ANO6: variants seen among roughly 807,000 people sequenced by gnomAD.
The protein encoded by ANO6 is anoctamin 6, also known as anoctamin-6.
Under a neutral mutation model 117.5 loss-of-function variants are expected in ANO6, and 106 were observed. That is an observed-to-expected ratio of 0.90 (90% CI 0.77 to 1.06). The LOEUF (loss-of-function observed/expected upper bound fraction) is 1.06, where lower values mean the gene tolerates loss of function less well. ANO6 is among the 50% of genes least tolerant of loss of function. The pLI is 0.00. For synonymous variants in ANO6, 367 were observed against 385.1 expected (o/e 0.95, Z 0.55); for missense variants, 955 against 1,121.1 (o/e 0.85, Z 2.12).
chr12:45,343,089 G>A (rs974218116), intron 3 of ANO6, among the ~76,000 whole-genome samples: 1 of 152,164 alleles, frequency 6.6e-6, no homozygotes, highest in South Asian at 2.1e-4. Context: ...GTTAGGTAAT[G>A]AGCGTAAGGA....
intron 19 of ANO6, among the ~76,000 whole-genome samples, chr12:45,439,123 C>T (rs935580147): frequency 1.3e-5 from 2 of 152,164 alleles, no homozygotes; most frequent in Non-Finnish European, 2.9e-5. Flanking sequence ...TGATGGTGAG[C>T]TGTGAGGACT....
intron 1 of ANO6, among the ~76,000 whole-genome samples, chr12:45,243,271 A>T (rs1477187313): frequency 6.6e-6 from 1 of 152,166 alleles, no homozygotes; most frequent in Non-Finnish European, 1.5e-5. Flanking sequence ...GTGAGCCATG[A>T]TTGTGCCACT....
chr12:45,253,459 TATGGAA>T (rs1170477119), intron 1 of ANO6, among the ~76,000 whole-genome samples: 2 of 152,224 alleles, frequency 1.3e-5, no homozygotes, highest in African/African-American at 4.8e-5. Context: ...ATTCAGGGTC[TATGGAA>T]GAAGTACAGG....
chr12:45,394,061 A>G (rs1266433059), intron 12 of ANO6, among the ~76,000 whole-genome samples: 1 of 152,204 alleles, frequency 6.6e-6, no homozygotes, highest in African/African-American at 2.4e-5. Context: ...AGATTGGATA[A>G]AGAGTCAAGA....
intron 1 of ANO6, among the ~76,000 whole-genome samples, chr12:45,291,346 C>CAAAAAAAAAAAAAAAAAAAAAA (rs747924513): frequency 2.1e-5 from 1 of 48,240 alleles, no homozygotes; most frequent in African/African-American, 8.2e-5. Flanking sequence ...AACTCCGTCT[C>CAAAAAAAAAAAAAAAAAAAAAA]AAAAAAAAAA....
At chr12:45,400,074 TAGG>T (rs928367292) in intron 12 of ANO6, among the ~76,000 whole-genome samples, 2 of 151,680 alleles carry the variant, frequency 1.3e-5, no homozygotes, top group African/African-American at 4.9e-5. Flanking sequence ...TTCAGAATCT[TAGG>T]AGACCCCAAT....
chr12:45,220,669 T>C (rs926486840), intron 1 of ANO6, among the ~76,000 whole-genome samples: 1 of 152,246 alleles, frequency 6.6e-6, no homozygotes, highest in Non-Finnish European at 1.5e-5. Context: ...TTTCTTGGCA[T>C]GCAACTCCTA....
At chr12:45,251,758 A>G (rs1054312456) in intron 1 of ANO6, among the ~76,000 whole-genome samples, 1 of 152,204 alleles carries the variant, frequency 6.6e-6, no homozygotes, top group East Asian at 1.9e-4. Context: ...TTTAAAGGCT[A>G]TGTTTTAAAG....
chr12:45,431,395 A>G lies in ANO6; in HGVS notation c.*2084A>G, dbSNP rs1419173642. 1 of 985,376 alleles carries G rather than the reference A, an allele frequency of 1.0e-6. No individual in the cohort carries two copies. The highest frequency in any genetic ancestry group is 1.2e-6 in the Non-Finnish European group (1 of 829,932). The allele number at this position is 985,376 out of a possible 1,614,324, so 61.0% of individuals were successfully genotyped here. ...TAAATTTGGCAGTTACTCGCCATGT[A>G]TGTCAGCATAGAAAAGGAAATGTTT... On this transcript the variant is annotated 3_prime_UTR_variant, in exon 20 of 20. Transcript: ENST00000320560.
At chr12:45,232,184 A>G (rs1050265902) in intron 1 of ANO6, among the ~76,000 whole-genome samples, 2 of 152,234 alleles carry the variant, frequency 1.3e-5, no homozygotes, top group Non-Finnish European at 1.5e-5. Context: ...CCCATCTTCA[A>G]TAGAGCTTAT....
intron 1 of ANO6, among the ~76,000 whole-genome samples, chr12:45,301,755 A>G (rs761688059): frequency 6.6e-6 from 1 of 152,246 alleles, no homozygotes; most frequent in Non-Finnish European, 1.5e-5. Context: ...TACCAGTTAA[A>G]TGATTTTCAG....
intron 19 of ANO6, among the ~76,000 whole-genome samples, chr12:45,424,327 G>GTTTTTTTTTTTTTTTTT (rs66945216): frequency 1.2e-5 from 1 of 81,240 alleles, no homozygotes; most frequent in Admixed American, 1.9e-4. Flanking sequence ...TAGGTGATGG[G>GTTTTTTTTTTTTTTTTT]TTTTTTTTTT....
chr12:45,231,463 C>G (rs1947573373), intron 1 of ANO6, among the ~76,000 whole-genome samples: 1 of 152,196 alleles, frequency 6.6e-6, no homozygotes, highest in Non-Finnish European at 1.5e-5. Context: ...CATTCCATAT[C>G]ATTTGGGTAG....
intron 3 of ANO6, among the ~76,000 whole-genome samples, chr12:45,335,988 C>T (rs530240803): frequency 3.3e-5 from 5 of 151,986 alleles, no homozygotes; most frequent in Admixed American, 2.6e-4. Context: ...CTTTCTTTTT[C>T]TTGTCTGAGT....
chr12:45,395,889 T>A (rs1161351334), intron 12 of ANO6, among the ~76,000 whole-genome samples: 3 of 152,216 alleles, frequency 2.0e-5, no homozygotes, highest in African/African-American at 7.2e-5. Flanking sequence ...AATATCATAC[T>A]GAATGCGCAA....
At chr12:45,310,864 C>T (rs931597462) in intron 2 of ANO6, among the ~76,000 whole-genome samples, 2 of 151,716 alleles carry the variant, frequency 1.3e-5, no homozygotes, top group South Asian at 2.1e-4. Context: ...GCTAAATTCC[C>T]ATAAATGGAG....
intron 19 of ANO6, among the ~76,000 whole-genome samples, chr12:45,426,846 C>A (rs1454781048): frequency 1.3e-5 from 2 of 151,982 alleles, no homozygotes; most frequent in East Asian, 3.9e-4. Flanking sequence ...GCTCTAAATA[C>A]CATCTGTATG....
At chr12:45,397,957 G>A (rs1179922734) in intron 12 of ANO6, among the ~76,000 whole-genome samples, 22 of 134,564 alleles carry the variant, frequency 1.6e-4, no homozygotes, top group African/African-American at 6.1e-4. Flanking sequence ...CGTTGTGCAC[G>A]TGTACCCTAG....
intron 1 of ANO6, among the ~76,000 whole-genome samples, chr12:45,275,691 T>C (rs1313071528): frequency 6.6e-6 from 1 of 152,232 alleles, no homozygotes; most frequent in African/African-American, 2.4e-5. Context: ...CGTTTCTATC[T>C]TACTGGATCT....
Sources: allele counts gnomAD v4.1 joint callset (sites outside exome capture counted in the v4.1 genomes callset), GRCh38; gene constraint gnomAD v4.1.1; transcripts MANE v1.5; gene names NCBI Gene and HGNC (gene_info 2026-07-23, HGNC 2026-07-21).